The following SLC4A2 variants were observed in gnomAD, a reference collection of about 807,000 sequenced individuals.
SLC4A2 encodes the protein anion exchange protein 2.
SLC4A2 carries 36 observed loss-of-function variants against 115.0 expected under a neutral mutation model. That is an observed-to-expected ratio of 0.31 (90% CI 0.24 to 0.41). The LOEUF (loss-of-function observed/expected upper bound fraction) is 0.41, where lower values mean the gene tolerates loss of function less well. Ranked by LOEUF, SLC4A2 falls within the 10% of genes least tolerant of loss-of-function variation. SLC4A2 has a pLI of 1.00. For missense variants in SLC4A2, 1,252 were observed against 1,705.6 expected, an observed-to-expected ratio of 0.73 and a Z score of 4.68; for synonymous variants, 708 against 708.3, an observed-to-expected ratio of 1.00 and a Z score of 0.01.
chr7:151,071,897 A>G lies in SLC4A2; in HGVS notation c.2341-45A>G. 5 of 1,607,686 alleles carry G rather than the reference A, an allele frequency of 3.1e-6. No individual in the cohort carries two copies. Among genetic ancestry groups the G allele is most frequent in the Non-Finnish European group, 4.3e-6 (5 of 1,175,390 alleles). On this transcript the variant is annotated intron_variant, in intron 15 of 22. Transcript: ENST00000413384. This position sits in a 1 kb window ranked among gnomAD's most constrained non-coding sequence, Gnocchi z 5.5. Reference sequence around the variant, plus strand: ...TCCCGTGCCCTAGACACCTCCCCACAGCATCCCCACCCAGAGCTCAGGACC... The same window carrying G: ...TCCCGTGCCCTAGACACCTCCCCACGGCATCCCCACCCAGAGCTCAGGACC...
At chr7:151,068,149 G>A (rs12703112) in intron 8 of SLC4A2, 95 bp downstream of exon 8, 182,074 of 961,352 alleles carry the variant, frequency 0.19, 19,075 homozygotes, top group South Asian at 0.27. Flanking sequence ...TTGTGTGACA[G>A]CCCCAGAGCC....
At position 151,064,771 on chromosome 7, in the gene SLC4A2, C is replaced by T. The variant is rs35021531; in HGVS notation, c.459+4C>T. On this transcript the variant is annotated splice_donor_region_variant and intron_variant, in intron 4 of 22. Transcript: ENST00000413384. The stretch of plus-strand genomic sequence containing the variant: ...CTCCACACCCTCCTCGGTGCAGGTG[C>T]GCTGGGTGCGGGCTCCTAGGGCATG... The T allele has an allele frequency of 5.6e-4, 906 of 1,607,068 alleles. 7 individuals carry two copies. The highest frequency in any genetic ancestry group is 3.3e-4 in the Middle Eastern group (2 of 6,028).
intron 2 of SLC4A2, 101 bp from the exon 3 acceptor site, chr7:151,064,101 C>A: frequency 8.3e-7 from 1 of 1,204,884 alleles, no homozygotes. Context: ...TAGCTGCTGG[C>A]GGGGGAGGGT....
At position 151,064,621 on chromosome 7, in the gene SLC4A2, A is replaced by G; in HGVS notation, c.313A>G (p.Lys105Glu). ...RRKTPQGPGR[K>E]PRRRPGASPT... ...CAAGACACCCCAGGGCCCAGGACGG[A>G]AGCCTCGAAGGCGCCCGGGAGCCTC... is the stretch of plus-strand genomic sequence containing the variant. The change falls in exon 4 of 23, where the codon AAG (lysine) becomes GAG (glutamate). Residue 105 changes from lysine (K) to glutamate (E), a missense_variant. By Grantham distance (56) the Lys-to-Glu change is moderately conservative (BLOSUM62 1). This residue lies in a region of SLC4A2 where 215 missense variants were observed against 205.2 expected (regional missense o/e 1.05). Transcript: ENST00000413384. 1 of 1,613,534 alleles carries G rather than the reference A, an allele frequency of 6.2e-7. No homozygotes were observed. The highest frequency in any genetic ancestry group is 8.5e-7 in the Non-Finnish European group (1 of 1,179,856).
At chr7:151,068,953 C>T (rs1443114895) in intron 8 of SLC4A2, among the ~76,000 whole-genome samples, 7 of 151,566 alleles carry the variant, frequency 4.6e-5, no homozygotes, top group Non-Finnish European at 8.8e-5. Context: ...TCCTGGCTAA[C>T]AAGGTGAAAT....
intron 5 of SLC4A2, among the ~76,000 whole-genome samples, chr7:151,066,159 C>G (rs1797221618): frequency 6.6e-6 from 1 of 152,192 alleles, no homozygotes; most frequent in African/African-American, 2.4e-5. Context: ...TCCTGAGCTC[C>G]TTTTCTGCAC....
At chr7:151,064,101 C>G (rs560281941) in intron 2 of SLC4A2, 101 bp from the exon 3 acceptor site, 1 of 1,204,758 alleles carries the variant, frequency 8.3e-7, no homozygotes, top group African/African-American at 1.5e-5. Context: ...TAGCTGCTGG[C>G]GGGGGAGGGT....
chr7:151,069,117 C>T (rs1006139922), intron 8 of SLC4A2, among the ~76,000 whole-genome samples: 16 of 100,102 alleles, frequency 1.6e-4, no homozygotes, highest in African/African-American at 3.5e-4. Context: ...CCAGCCTGAA[C>T]GACAGAGCGA....
At position 151,071,318 on chromosome 7, in the gene SLC4A2, G is replaced by T. The variant is rs1187553157; in HGVS notation, c.1975+21G>T. 3.2e-6 allele frequency: 5 copies of T among 1,544,656 alleles called. No homozygotes were observed. Among genetic ancestry groups the T allele is most frequent in the South Asian group, 1.2e-5 (1 of 84,688 alleles). On this transcript the variant is annotated intron_variant, in intron 13 of 22. Coordinates refer to ENST00000413384, the MANE Select transcript of SLC4A2 (RefSeq NM_003040.4). This position sits in a 1 kb window ranked among gnomAD's most constrained non-coding sequence, Gnocchi z 5.5. The stretch of plus-strand genomic sequence containing the variant: ...TAAGGGTACGGCCAGGGCGGGCTGG[G>T]GCCAGGGCTGCCTCGAGGGGGTGAG...
intron 2 of SLC4A2, chr7:151,062,479 C>T (rs1227679177): frequency 2.2e-6 from 3 of 1,339,352 alleles, no homozygotes; most frequent in Non-Finnish European, 1.9e-6. Context: ...GTGGCCACCG[C>T]TCCACATGGC....
At position 151,071,666 on chromosome 7, in the gene SLC4A2, T is replaced by C. The variant is rs760827995; in HGVS notation, c.2192-23T>C. The C allele has an allele frequency of 2.5e-6, 4 of 1,611,652 alleles. No homozygotes were observed. The highest frequency in any genetic ancestry group is 3.4e-6 in the Non-Finnish European group (4 of 1,178,674). ...TGCCCAGGGCCTGGCCACCAGCTCC[T>C]GAGCTGGTTCCTACACCCCTAGGAG... On this transcript the variant is annotated intron_variant, in intron 14 of 22. Transcript: ENST00000413384. This position sits in a 1 kb window ranked among gnomAD's most constrained non-coding sequence, Gnocchi z 5.5.
rs572853984 is a variant in SLC4A2 at position 151,059,733 on chromosome 7, C to T, written c.-93C>T. 3 of 151,424 alleles carry T rather than the reference C, an allele frequency of 2.0e-5. No individual in the cohort carries two copies. The South Asian group carries it at 6.3e-4, about 32-fold the overall frequency. 9.4% of individuals were successfully genotyped at this position (151,424 alleles called of 1,614,324 possible). A position where few individuals can be genotyped will look rare whatever the true frequency, so the allele number is the denominator to read the frequency against. ...CGGAGGACGGGGAGAGACCCCGAGA[C>T]CCCCGGGGCACGAAGTCCAGAGCGA... On this transcript the variant is annotated 5_prime_UTR_variant, in exon 1 of 23. Coordinates refer to ENST00000413384, the MANE Select transcript of SLC4A2 (RefSeq NM_003040.4). This position sits in a 1 kb window ranked among gnomAD's most constrained non-coding sequence, Gnocchi z 5.8.
chr7:151,071,443 C>T lies in SLC4A2; in HGVS notation c.2029C>T (p.Arg677Trp), dbSNP rs1435964008. Residue 677 changes from arginine to tryptophan, a missense_variant, in exon 14 of 23, where the codon CGG becomes TGG. Arg to Trp is a moderately radical substitution (Grantham distance 101). Transcript: ENST00000413384. The surrounding 1 kb of genome is among the most constrained non-coding windows in gnomAD (Gnocchi z 5.5). ...GGCAGCTGAAGATGATCCCCTTCGG[C>T]GGACGGGGCGGCCCTTTGGGGGGCT... is the stretch of plus-strand genomic sequence containing the variant. ...AGAAEDDPLRRTGRPFGGLIR... is the reference protein window; with the variant it reads ...AGAAEDDPLRWTGRPFGGLIR... 3.7e-6 allele frequency: 6 copies of T among 1,606,488 alleles called. No homozygotes were observed. Among genetic ancestry groups the T allele is most frequent in the Non-Finnish European group, 4.2e-6 (5 of 1,179,562 alleles).
intron 6 of SLC4A2, 26 bp downstream of exon 6, chr7:151,066,787 C>T (rs772363446): frequency 2.4e-5 from 38 of 1,583,500 alleles, no homozygotes; most frequent in Non-Finnish European, 3.2e-5. Flanking sequence ...TGGCCAAGCC[C>T]GGCACTGGTG....
At chr7:151,072,710 C>T (rs1040642393) in intron 16 of SLC4A2, among the ~76,000 whole-genome samples, 1 of 149,036 alleles carries the variant, frequency 6.7e-6, no homozygotes, top group African/African-American at 2.5e-5. Context: ...GGCTGGAGTG[C>T]AGTTTTGGTG....
At position 151,070,788 on chromosome 7, in the gene SLC4A2, G is replaced by A. The variant is rs984444540; in HGVS notation, c.1626G>A (p.Glu542=). The A allele has an allele frequency of 1.4e-5, 23 of 1,613,958 alleles. No homozygotes were observed. Among genetic ancestry groups the A allele is most frequent in the Non-Finnish European group, 1.9e-5 (23 of 1,180,024 alleles). Residue 542 remains glutamate (E), a synonymous_variant, in exon 12 of 23, where the codon GAG becomes GAA. Transcript: ENST00000413384. ...TTGTGCGGCTCCGGGAGGCTGTGGA[G>A]TTGGACGCAGTGTTGGAGGTGCCGG... ...MAFVRLREAV[E]LDAVLEVPVP... is the part of the protein sequence containing the mutation.
chr7:151,074,077 C>T lies in SLC4A2; in HGVS notation c.2574C>T (p.Ser858=), dbSNP rs758554821. 1.7e-5 allele frequency: 27 copies of T among 1,601,456 alleles called. No individual in the cohort carries two copies. Among genetic ancestry groups the T allele is most frequent in the East Asian group, 9.0e-5 (4 of 44,570 alleles). Residue 858 remains serine (S), a synonymous_variant, in exon 17 of 23, where the codon TCC becomes TCT. Transcript: ENST00000413384. The part of the protein sequence containing the change: ...QEHPLHGCSA[S]NSSEVDGGEN... ...ACCCCCTGCATGGCTGCTCAGCCTC[C>T]AACAGCTCAGAGGTGGACGGCGGTG...
At position 151,071,572 on chromosome 7, in the gene SLC4A2, C is replaced by T. The variant is rs1221616879; in HGVS notation, c.2158C>T (p.Leu720=). 6.2e-7 allele frequency: 1 copy of T among 1,614,082 alleles called. No individual in the cohort carries two copies. Among genetic ancestry groups the T allele is most frequent in the Non-Finnish European group, 8.5e-7 (1 of 1,180,014 alleles). The change falls in exon 14 of 23, where the codon CTG becomes TTG. Residue 720 remains leucine, a synonymous_variant. Coordinates refer to ENST00000413384, the MANE Select transcript of SLC4A2 (RefSeq NM_003040.4). The surrounding 1 kb of genome is among the most constrained non-coding windows in gnomAD (Gnocchi z 5.5). The stretch of plus-strand genomic sequence containing the variant: ...AGTCATCTTCATCTACTTTGCCGCC[C>T]TGTCTCCTGCCATCACCTTTGGGGG... ...AAVIFIYFAA[L]SPAITFGGLL...
At chr7:151,062,967 G>T in intron 2 of SLC4A2, 1 of 1,411,258 alleles carries the variant, frequency 7.1e-7, no homozygotes, top group Non-Finnish European at 9.2e-7. Flanking sequence ...TATGGAGGGG[G>T]CTGCATACCC....
Sources: allele counts gnomAD v4.1 joint callset (sites outside exome capture counted in the v4.1 genomes callset), GRCh38; gene constraint gnomAD v4.1.1; regional missense constraint gnomAD v4.1.1; non-coding constraint Gnocchi (gnomAD v3.1); transcripts MANE v1.5; gene names NCBI Gene and HGNC (gene_info 2026-07-23, HGNC 2026-07-21).